The following SPATA18 variants were observed in gnomAD, a reference collection of about 807,000 sequenced individuals.
The protein encoded by SPATA18 is spermatogenesis associated 18.
In SPATA18, 54 loss-of-function variants were observed where a neutral mutation model predicts 68.1. That is an observed-to-expected ratio of 0.79 (90% CI 0.64 to 0.99). The LOEUF is 0.99. SPATA18 is among the 50% of genes least tolerant of loss of function. SPATA18 has a pLI of 0.00. For missense variants in SPATA18, 724 were observed against 681.1 expected (o/e 1.06, Z -0.70); for synonymous variants, 242 against 244.8 (o/e 0.99, Z 0.11).
chr4:52,086,185 A>C (rs6818970), intron 11 of SPATA18, among the ~76,000 whole-genome samples: 1 of 151,970 alleles, frequency 6.6e-6, no homozygotes, highest in Non-Finnish European at 1.5e-5. Context: ...CTGTAGCCCC[A>C]AAGTTGCAAA....
At chr4:52,067,274 T>C (rs1254745559) in intron 4 of SPATA18, among the ~76,000 whole-genome samples, 1 of 152,226 alleles carries the variant, frequency 6.6e-6, no homozygotes, top group African/African-American at 2.4e-5. Flanking sequence ...TGTTTTTATA[T>C]GTTTGTGGGT....
At chr4:52,059,385 GT>G (rs763225017) in intron 1 of SPATA18, among the ~76,000 whole-genome samples, 1 of 152,198 alleles carries the variant, frequency 6.6e-6, no homozygotes, top group Non-Finnish European at 1.5e-5. Context: ...GCTTGTAGTT[GT>G]ATTCCTTCTT....
chr4:52,078,614 C>T, intron 7 of SPATA18, 121 bp from the exon 8 acceptor site: 2 of 840,358 alleles, frequency 2.4e-6, no homozygotes, highest in Non-Finnish European at 3.5e-6. Context: ...TTTTGATCAA[C>T]TGTGTTTAGT....
chr4:52,077,045 G>A lies in SPATA18; in HGVS notation c.1020+5G>A. 1.3e-6 allele frequency: 2 copies of A among 1,592,820 alleles called. No homozygotes were observed. On this transcript the variant is annotated splice_donor_5th_base_variant and intron_variant, in intron 7 of 12. Transcript: ENST00000295213. ...ATCATCTACATCGCCACAGTGGTAT[G>A]TGACGCCTGCGGGACTCCCGGCTCC...
At chr4:52,081,213 A>G (rs1420252115) in intron 9 of SPATA18, among the ~76,000 whole-genome samples, 1 of 152,208 alleles carries the variant, frequency 6.6e-6, no homozygotes, top group East Asian at 1.9e-4. Context: ...AGACTTCTGT[A>G]GGGCCTCTTG....
chr4:52,075,253 A>G (rs1053534829), intron 6 of SPATA18, among the ~76,000 whole-genome samples: 9 of 152,098 alleles, frequency 5.9e-5, no homozygotes, highest in Non-Finnish European at 4.4e-5. Context: ...TGCAGTGATG[A>G]CAGGCCCGTG....
At chr4:52,060,609 T>C (rs1219630298) in intron 2 of SPATA18, 85 bp downstream of exon 2, 15 of 1,375,366 alleles carry the variant, frequency 1.1e-5, no homozygotes, top group African/African-American at 2.9e-5. Context: ...TGACTGTTGG[T>C]GTGGTTGGGT....
intron 4 of SPATA18, among the ~76,000 whole-genome samples, chr4:52,066,695 C>T (rs1578162465): frequency 6.6e-6 from 1 of 152,262 alleles, no homozygotes; most frequent in East Asian, 1.9e-4. Flanking sequence ...TATTGTTCCC[C>T]TCCCTGTGTC....
chr4:52,076,288 A>G (rs1465544992), intron 6 of SPATA18, among the ~76,000 whole-genome samples: 1 of 152,174 alleles, frequency 6.6e-6, no homozygotes, highest in African/African-American at 2.4e-5. Flanking sequence ...GGAGGTAGGA[A>G]GTTTCTTGGA....
chr4:52,077,041 G>C lies in SPATA18; in HGVS notation c.1020+1G>C. 6.3e-7 allele frequency: 1 copy of C among 1,596,166 alleles called. No homozygotes were observed. The highest frequency in any genetic ancestry group is 8.5e-7 in the Non-Finnish European group (1 of 1,170,374). On this transcript the variant is annotated splice_donor_variant, in intron 7 of 12. Coordinates refer to ENST00000295213, the MANE Select transcript of SPATA18 (RefSeq NM_145263.4). LOFTEE classifies it high-confidence loss of function. Reference sequence around the variant, plus strand: ...GCGGATCATCTACATCGCCACAGTGGTATGTGACGCCTGCGGGACTCCCGG... The same window carrying C: ...GCGGATCATCTACATCGCCACAGTGCTATGTGACGCCTGCGGGACTCCCGG...
intron 11 of SPATA18, among the ~76,000 whole-genome samples, chr4:52,091,691 T>C (rs1741974285): frequency 6.6e-6 from 1 of 152,180 alleles, no homozygotes. Flanking sequence ...AGAGCGCTCC[T>C]GTATGAGGTG....
chr4:52,059,873 T>A (rs1738674199), intron 1 of SPATA18, among the ~76,000 whole-genome samples: 1 of 152,254 alleles, frequency 6.6e-6, no homozygotes, highest in Admixed American at 6.5e-5. Flanking sequence ...GGCAGTCATT[T>A]GTATTGTCTT....
At chr4:52,058,573 C>G (rs534859232) in intron 1 of SPATA18, among the ~76,000 whole-genome samples, 6 of 152,234 alleles carry the variant, frequency 3.9e-5, no homozygotes, top group African/African-American at 1.4e-4. Flanking sequence ...GAACCTTTGT[C>G]CTTGCTGTTC....
Position 52,051,740 on chromosome 4 carries a change from A to G in SPATA18, c.36A>G (p.Glu12=). The change falls in exon 1 of 13, where the codon GAA becomes GAG. Residue 12 remains glutamate, a synonymous_variant. Coordinates refer to ENST00000295213, the MANE Select transcript of SPATA18 (RefSeq NM_145263.4). ...ACCTGAAAAGACTGGTCTCAAACGA[A>G]ACTTTACGAACGTTGCAGGAAAAGC... ...AENLKRLVSN[E]TLRTLQEKLD... is the part of the protein sequence containing the mutation. The G allele has an allele frequency of 1.2e-6, 2 of 1,614,214 alleles. No homozygotes were observed. Among genetic ancestry groups the G allele is most frequent in the Non-Finnish European group, 1.7e-6 (2 of 1,180,044 alleles).
At position 52,096,255 on chromosome 4, in the gene SPATA18, T is replaced by G. The variant is rs1742414612; in HGVS notation, c.*1368T>G. On this transcript the variant is annotated 3_prime_UTR_variant, in exon 13 of 13. Transcript: ENST00000295213. ...GTCATCACTTTGAAGCAATGCAGTGTGCTGGAAGGAGCACTATCTGCCTAG... is the reference window on the plus strand; with the variant it reads ...GTCATCACTTTGAAGCAATGCAGTGGGCTGGAAGGAGCACTATCTGCCTAG... 6.6e-6 allele frequency: 1 copy of G among 152,138 alleles called. No individual in the cohort carries two copies. The highest frequency in any genetic ancestry group is 6.6e-5 in the Admixed American group (1 of 15,252). The allele number at this position is 152,138 out of a possible 1,614,324, so 9.4% of individuals were successfully genotyped here.
At chr4:52,081,097 G>A (rs781317764) in intron 9 of SPATA18, among the ~76,000 whole-genome samples, 7 of 152,188 alleles carry the variant, frequency 4.6e-5, no homozygotes, top group Non-Finnish European at 1.0e-4. Context: ...GTTCCACAGA[G>A]CACATTATCT....
At chr4:52,071,666 T>G (rs1739853178) in intron 5 of SPATA18, among the ~76,000 whole-genome samples, 1 of 152,032 alleles carries the variant, frequency 6.6e-6, no homozygotes, top group South Asian at 2.1e-4. Flanking sequence ...TCTGCATGAG[T>G]GTCCTTTCTT....
rs1203598359 is a variant in SPATA18 at position 52,051,773 on chromosome 4, CTG to C, written c.70_71del (p.Trp24AlafsTer10). 1 of 1,614,234 alleles carries C rather than the reference CTG, an allele frequency of 6.2e-7. No individual in the cohort carries two copies. The highest frequency in any genetic ancestry group is 1.7e-5 in the Admixed American group (1 of 60,036). The stretch of plus-strand genomic sequence containing the variant: ...GAACGTTGCAGGAAAAGCTAGACTT[CTG>C]GCTGAAGGAGTACAACGTGAGTCTG... ...LRTLQEKLDF[W>X]LKEYNTNTCD... is the part of the protein sequence containing the mutation. On this transcript the variant is annotated frameshift_variant, in exon 1 of 13. Transcript: ENST00000295213. LOFTEE classifies it high-confidence loss of function.
rs1376048856 is a variant in SPATA18, at chr4:52,062,338, A to T, written c.422+6A>T. The T allele has an allele frequency of 1.2e-5, 18 of 1,540,732 alleles. No individual in the cohort carries two copies. Among genetic ancestry groups the T allele is most frequent in the Non-Finnish European group, 1.5e-5 (17 of 1,128,348 alleles). ...TGCAACCAGGTTCAAGACGAGTAAGAGGAATGCAAGTTATCTTTTTCCAAA... is the reference window on the plus strand; with the variant it reads ...TGCAACCAGGTTCAAGACGAGTAAGTGGAATGCAAGTTATCTTTTTCCAAA... On this transcript the variant is annotated splice_donor_region_variant and intron_variant, in intron 4 of 12. Transcript: ENST00000295213.
Sources: gnomAD v4.1 joint callset for allele counts (sites outside exome capture counted in the v4.1 genomes callset) on GRCh38, gnomAD v4.1.1 for gene constraint, MANE v1.5 for transcripts, NCBI Gene and HGNC (gene_info 2026-07-23, HGNC 2026-07-21) for gene names.